SPATS2L: variants seen among roughly 807,000 people sequenced by gnomAD.
SPATS2L encodes the protein spermatogenesis associated serine rich 2 like.
Under a neutral mutation model 59.6 loss-of-function variants are expected in SPATS2L, and 30 were observed. The observed-to-expected ratio is 0.50, with a 90% CI of 0.38 to 0.68. SPATS2L has a LOEUF of 0.68. SPATS2L is among the 30% of genes least tolerant of loss of function. SPATS2L has a pLI of 0.00. For missense variants in SPATS2L, 615 were observed against 700.0 expected, an observed-to-expected ratio of 0.88 and a Z score of 1.37; for synonymous variants, 252 against 263.5, an observed-to-expected ratio of 0.96 and a Z score of 0.42.
chr2:200,436,751 C>T (rs1334869900), intron 6 of SPATS2L, among the ~76,000 whole-genome samples: 1 of 152,134 alleles, frequency 6.6e-6, no homozygotes, highest in East Asian at 1.9e-4. Context: ...AATATGATCT[C>T]TTTACGACAC....
intron 6 of SPATS2L, among the ~76,000 whole-genome samples, chr2:200,432,893 A>AG (rs1239164822): frequency 2.4e-4 from 36 of 152,260 alleles, no homozygotes; most frequent in African/African-American, 7.9e-4. Flanking sequence ...AAGAACAGAG[A>AG]GAAAAAAAGT....
intron 3 of SPATS2L, among the ~76,000 whole-genome samples, chr2:200,401,351 G>A (rs184405921): frequency 2.3e-4 from 35 of 152,228 alleles, no homozygotes; most frequent in African/African-American, 8.4e-4. Flanking sequence ...GTTGTTCTGA[G>A]CCACAAAATT....
At chr2:200,473,089 A>C (rs1176985760) in intron 12 of SPATS2L, 37 bp downstream of exon 12, 31 of 1,526,992 alleles carry the variant, frequency 2.0e-5, no homozygotes, top group Non-Finnish European at 2.6e-5. Context: ...AGAGGAAAAA[A>C]AAAAAAAAAC....
intron 6 of SPATS2L, among the ~76,000 whole-genome samples, chr2:200,435,895 CTT>C (rs1189368282): frequency 3.3e-5 from 5 of 152,046 alleles, no homozygotes; most frequent in Admixed American, 1.3e-4. Context: ...TTTTATTTAA[CTT>C]AATGTATCAA....
intron 2 of SPATS2L, among the ~76,000 whole-genome samples, chr2:200,347,298 G>T (rs937902366): frequency 6.6e-6 from 1 of 152,158 alleles, no homozygotes; most frequent in African/African-American, 2.4e-5. Flanking sequence ...CCTTTGCAGT[G>T]AGGGGTAGCC....
At chr2:200,375,054 G>C (rs1412109999) in intron 2 of SPATS2L, among the ~76,000 whole-genome samples, 1 of 152,208 alleles carries the variant, frequency 6.6e-6, no homozygotes, top group Non-Finnish European at 1.5e-5. Flanking sequence ...GGGCAGGCTA[G>C]AGCTCCGTGC....
intron 8 of SPATS2L, among the ~76,000 whole-genome samples, chr2:200,452,719 C>G (rs1391161133): frequency 2.0e-5 from 3 of 152,098 alleles, no homozygotes; most frequent in Non-Finnish European, 4.4e-5. Flanking sequence ...GCTTGAGGCA[C>G]CCCCACTCTA....
At chr2:200,468,531 T>C (rs1275250501) in intron 10 of SPATS2L, among the ~76,000 whole-genome samples, 3 of 152,176 alleles carry the variant, frequency 2.0e-5, no homozygotes, top group South Asian at 2.1e-4. Context: ...TCCCTCCTGG[T>C]TGGGCATGAA....
At chr2:200,311,566 T>C (rs2079192460) in intron 1 of SPATS2L, among the ~76,000 whole-genome samples, 1 of 152,248 alleles carries the variant, frequency 6.6e-6, no homozygotes, top group African/African-American at 2.4e-5. Flanking sequence ...CTGTATTTAT[T>C]GCAGGGCTGC....
rs374662663 is a variant in SPATS2L, at chr2:200,389,300, C to G, written c.39+17C>G. 1.7e-5 allele frequency: 27 copies of G among 1,554,684 alleles called. No homozygotes were observed. Among genetic ancestry groups the G allele is most frequent in the Non-Finnish European group, 8.7e-7 (1 of 1,143,202 alleles). ...AAGGAAAAGGTAAGATCAAGTTATA[C>G]GTTGGCTCACAGAAACTCCAAACTA... On this transcript the variant is annotated intron_variant, in intron 3 of 12. Coordinates refer to ENST00000409140, the MANE Select transcript of SPATS2L (RefSeq NM_001100423.2).
At chr2:200,307,257 G>C (rs1004243435) in intron 1 of SPATS2L, among the ~76,000 whole-genome samples, 1 of 151,554 alleles carries the variant, frequency 6.6e-6, no homozygotes, top group Non-Finnish European at 1.5e-5. Flanking sequence ...CCCCGGATCT[G>C]AATCGCCCGC....
intron 6 of SPATS2L, among the ~76,000 whole-genome samples, chr2:200,421,246 T>TGGGAG (rs2083296392): frequency 2.0e-5 from 3 of 152,130 alleles, no homozygotes; most frequent in Admixed American, 6.5e-5. Flanking sequence ...GGAGATTTCC[T>TGGGAG]GGGAGCATTG....
At chr2:200,380,453 CATGAAGG>C (rs1485677202) in intron 2 of SPATS2L, among the ~76,000 whole-genome samples, 1 of 152,216 alleles carries the variant, frequency 6.6e-6, no homozygotes, top group Non-Finnish European at 1.5e-5. Flanking sequence ...GAGGTTCTCC[CATGAAGG>C]TCTCAAACTT....
In SPATS2L at chr2:200,329,482, T is replaced by G. The variant is rs771751531; in HGVS notation, c.-23+2T>G. 6.5e-7 allele frequency: 1 copy of G among 1,550,170 alleles called. No homozygotes were observed. The highest frequency in any genetic ancestry group is 1.2e-5 in the South Asian group (1 of 84,034). On this transcript the variant is annotated splice_donor_variant, in intron 2 of 12. Transcript: ENST00000409140. LOFTEE classifies it low-confidence loss of function (5UTR_SPLICE). Reference sequence around the variant, plus strand: ...AGGAACATTGCTGTGGATTCCCAGGTGAGTAGAGATGGTCCTTCCCTCTCT... The same window carrying G: ...AGGAACATTGCTGTGGATTCCCAGGGGAGTAGAGATGGTCCTTCCCTCTCT...
intron 12 of SPATS2L, among the ~76,000 whole-genome samples, chr2:200,473,859 G>C (rs977363882): frequency 1.3e-5 from 2 of 151,000 alleles, no homozygotes; most frequent in African/African-American, 4.8e-5. Flanking sequence ...ATTTAGCCAG[G>C]CATGGTGGCG....
At chr2:200,443,221 T>A (rs1423726065) in intron 8 of SPATS2L, among the ~76,000 whole-genome samples, 2 of 152,184 alleles carry the variant, frequency 1.3e-5, no homozygotes, top group African/African-American at 4.8e-5. Flanking sequence ...AAAGCCTCCC[T>A]CTTGTTTTCT....
chr2:200,469,272 G>A (rs752356428), intron 10 of SPATS2L, among the ~76,000 whole-genome samples: 1 of 152,082 alleles, frequency 6.6e-6, no homozygotes, highest in Non-Finnish European at 1.5e-5. Context: ...ACCTTGTATT[G>A]TAGTTAATGG....
intron 3 of SPATS2L, among the ~76,000 whole-genome samples, chr2:200,409,178 G>A (rs898744924): frequency 3.3e-5 from 5 of 152,216 alleles, no homozygotes; most frequent in African/African-American, 1.2e-4. Context: ...CGCTGCGGGC[G>A]TGAATTTTAT....
chr2:200,322,041 T>C (rs1185373750), intron 1 of SPATS2L, among the ~76,000 whole-genome samples: 1 of 152,238 alleles, frequency 6.6e-6, no homozygotes, highest in South Asian at 2.1e-4. Flanking sequence ...TTGTGCCTTC[T>C]ACAAAATGTC....
Sources: allele counts gnomAD v4.1 joint callset (sites outside exome capture counted in the v4.1 genomes callset), GRCh38; gene constraint gnomAD v4.1.1; transcripts MANE v1.5; gene names NCBI Gene and HGNC (gene_info 2026-07-23, HGNC 2026-07-21).